EDRF1: variants seen among roughly 807,000 people sequenced by gnomAD.
The protein encoded by EDRF1 is erythroid differentiation regulatory factor 1, also known as erythroid differentiation-related factor 1.
A neutral mutation model predicts 148.7 loss-of-function variants in EDRF1; 69 were observed. The observed-to-expected ratio is 0.46, with a 90% CI of 0.38 to 0.57. The LOEUF (loss-of-function observed/expected upper bound fraction) is 0.57, where lower values mean the gene tolerates loss of function less well. Ranked by LOEUF, EDRF1 falls within the 20% of genes least tolerant of loss-of-function variation. The pLI is 0.00. For synonymous variants in EDRF1, 515 were observed against 532.8 expected, an observed-to-expected ratio of 0.97 and a Z score of 0.46; for missense variants, 1,118 against 1,478.7, an observed-to-expected ratio of 0.76 and a Z score of 4.00.
chr10:125,737,921 A>T lies in EDRF1; in HGVS notation c.1762A>T (p.Ser588Cys). The change falls in exon 14 of 25, where the codon AGT becomes TGT. Residue 588 changes from serine (S) to cysteine (C), a missense_variant. Physicochemically the swap from Ser to Cys is moderately radical, Grantham distance 112 (BLOSUM62 -1). Around this residue, in one of 3 missense-constraint regions of EDRF1, gnomAD observed 954 missense variants for 1,241.4 expected, o/e 0.77. Transcript: ENST00000356792. The stretch of plus-strand genomic sequence containing the variant: ...AATTTTATGTTTGTTCCTCAAGCCC[A>T]GTTGTGCATTTCCAGTTTGCCATGA... ...KYKSIHQIRP[S>C]CAFPVCHDTE... 2 of 1,613,842 alleles carry T rather than the reference A, an allele frequency of 1.2e-6. No individual in the cohort carries two copies. The highest frequency in any genetic ancestry group is 1.7e-6 in the Non-Finnish European group (2 of 1,179,802).
chr10:125,741,223 C>T (rs750837376), intron 17 of EDRF1, 22 bp downstream of exon 17: 8 of 1,610,414 alleles, frequency 5.0e-6, no homozygotes, highest in South Asian at 2.2e-5. Context: ...GCTTGGACCA[C>T]GTGGTTCACA....
chr10:125,723,843 C>T lies in EDRF1; in HGVS notation c.417C>T (p.Ser139=). 1 of 1,613,548 alleles carries T rather than the reference C, an allele frequency of 6.2e-7. No homozygotes were observed. The highest frequency in any genetic ancestry group is 1.1e-5 in the South Asian group (1 of 91,036). The change falls in exon 4 of 25, where the codon AGC becomes AGT. Residue 139 remains serine, a synonymous_variant. Coordinates refer to ENST00000356792, the MANE Select transcript of EDRF1 (RefSeq NM_001202438.2). ...NIKKLLKIPY[S]KSHVSMAVHR... ...AAAAACTCCTGAAAATTCCCTACAG[C>T]AAGTCGCACGTGAGCATGGCAGTAC... is the stretch of plus-strand genomic sequence containing the variant.
chr10:125,745,994 C>T, intron 19 of EDRF1, 64 bp downstream of exon 19: 1 of 1,497,280 alleles, frequency 6.7e-7, no homozygotes, highest in South Asian at 1.1e-5. Flanking sequence ...TACATTTTGC[C>T]AGTTTCACTA....
intron 22 of EDRF1, chr10:125,752,171 C>T (rs1440148556): frequency 6.6e-6 from 1 of 152,622 alleles, no homozygotes; most frequent in Non-Finnish European, 1.5e-5. Context: ...TAAACAAAGG[C>T]GTTCTTACCG....
chr10:125,749,363 T>C (rs780974637), intron 21 of EDRF1, 49 bp from the exon 22 acceptor site: 2 of 1,612,062 alleles, frequency 1.2e-6, no homozygotes, highest in Non-Finnish European at 1.7e-6. Flanking sequence ...TAGTGAAGCC[T>C]GAAGTAGTTA....
intron 24 of EDRF1, among the ~76,000 whole-genome samples, chr10:125,761,657 T>G (rs1295517304): frequency 6.6e-6 from 1 of 152,246 alleles, no homozygotes; most frequent in Admixed American, 6.5e-5. Flanking sequence ...TCAGTGAAAC[T>G]GCTGATAAGA....
chr10:125,758,968 A>T (rs1398563119), intron 24 of EDRF1, among the ~76,000 whole-genome samples: 1 of 151,958 alleles, frequency 6.6e-6, no homozygotes, highest in Non-Finnish European at 1.5e-5. Context: ...CAACGCCCTA[A>T]GGTTGGCAGG....
intron 19 of EDRF1, among the ~76,000 whole-genome samples, chr10:125,746,307 G>A (rs1372691942): frequency 1.3e-5 from 2 of 152,154 alleles, no homozygotes; most frequent in African/African-American, 4.8e-5. Flanking sequence ...GAAATCCTGG[G>A]TAAAAGTTGA....
In EDRF1 at chr10:125,734,212, A is replaced by G. The variant is rs1266722755; in HGVS notation, c.1497+29A>G. 5 of 1,509,404 alleles carry G rather than the reference A, an allele frequency of 3.3e-6. No homozygotes were observed. The Admixed American group carries it at 8.4e-5, about 25-fold the overall frequency. The allele number at this position is 1,509,404 out of a possible 1,614,324, so 93.5% of individuals were successfully genotyped here. The stretch of plus-strand genomic sequence containing the variant: ...AGATTAACATTTATGTATTCTCTAA[A>G]ACAATCCTAGCATTCTAATAGGAGA... On this transcript the variant is annotated intron_variant, in intron 12 of 24. Coordinates refer to ENST00000356792, the MANE Select transcript of EDRF1 (RefSeq NM_001202438.2).
At chr10:125,738,703 G>C (rs1016666247) in intron 15 of EDRF1, among the ~76,000 whole-genome samples, 2 of 152,202 alleles carry the variant, frequency 1.3e-5, no homozygotes, top group African/African-American at 4.8e-5. Context: ...GCTTCAGCCT[G>C]GTGGAGTTCT....
chr10:125,763,800 A>C lies in EDRF1; in HGVS notation c.*328A>C. 1 of 352,752 alleles carries C rather than the reference A, an allele frequency of 2.8e-6. No homozygotes were observed. The highest frequency in any genetic ancestry group is 5.3e-6 in the Non-Finnish European group (1 of 187,994). 21.9% of individuals were successfully genotyped at this position (352,752 alleles called of 1,614,324 possible). On this transcript the variant is annotated 3_prime_UTR_variant, in exon 25 of 25. Transcript: ENST00000356792. This position sits in a 1 kb window ranked among gnomAD's most constrained non-coding sequence, Gnocchi z 4.3. ...GTATGTCAAGCTACACGGGTCTAAG[A>C]TATGATTATTTTGGATAAAATGTTA... is the stretch of plus-strand genomic sequence containing the variant.
intron 17 of EDRF1, chr10:125,742,453 G>A: frequency 9.4e-7 from 1 of 1,067,534 alleles, no homozygotes; most frequent in Non-Finnish European, 1.1e-6. Flanking sequence ...ATAGCTAGAG[G>A]AGTATACTGG....
Position 125,720,025 on chromosome 10 carries a change from C to T in EDRF1, c.108+110C>T. 4.4e-6 allele frequency: 4 copies of T among 912,058 alleles called. No homozygotes were observed. In the South Asian group the frequency reaches 6.5e-5, roughly 15 times the overall value. The allele number at this position is 912,058 out of a possible 1,614,324, so 56.5% of individuals were successfully genotyped here. A position where few individuals can be genotyped will look rare whatever the true frequency, so the allele number is the denominator to read the frequency against. ...AGATTCTGGAGGCTTCTCCATGTTT[C>T]CCTGACACCCCCAAAACAGGGAGTT... is the stretch of plus-strand genomic sequence containing the variant. On this transcript the variant is annotated intron_variant, in intron 1 of 24. Coordinates refer to ENST00000356792, the MANE Select transcript of EDRF1 (RefSeq NM_001202438.2).
chr10:125,721,297 G>A lies in EDRF1; in HGVS notation c.202G>A (p.Glu68Lys), dbSNP rs770650812. ...APPRTAFARL[E>K]EKTDLKLPPA... ...TCCTCGAACAGCATTTGCACGCCTT[G>A]AAGAGAAAACAGACTTGAAACTCCC... The change falls in exon 2 of 25, where the codon GAA (glutamate) becomes AAA (lysine). Residue 68 changes from glutamate to lysine, a missense_variant. By Grantham distance (56) the Glu-to-Lys change is moderately conservative. Around this residue, in one of 3 missense-constraint regions of EDRF1, gnomAD observed 99 missense variants for 186.9 expected, o/e 0.53. Coordinates refer to ENST00000356792, the MANE Select transcript of EDRF1 (RefSeq NM_001202438.2). The A allele has an allele frequency of 2.5e-6, 4 of 1,614,174 alleles. No individual in the cohort carries two copies. The highest frequency in any genetic ancestry group is 3.4e-6 in the Non-Finnish European group (4 of 1,180,038).
intron 17 of EDRF1, chr10:125,741,620 A>G (rs769925209): frequency 2.0e-4 from 44 of 219,840 alleles, no homozygotes; most frequent in Non-Finnish European, 3.4e-4. Flanking sequence ...AGTATTTTAT[A>G]ATTACTGTTT....
intron 19 of EDRF1, among the ~76,000 whole-genome samples, chr10:125,746,213 A>G (rs2133738419): frequency 6.6e-6 from 1 of 152,356 alleles, no homozygotes; most frequent in South Asian, 2.1e-4. Context: ...AGAAAGTGAA[A>G]CTGTAAAAGT....
intron 24 of EDRF1, among the ~76,000 whole-genome samples, chr10:125,762,526 C>T (rs928205996): frequency 2.6e-5 from 4 of 151,774 alleles, no homozygotes; most frequent in Admixed American, 1.3e-4. Context: ...TGAACTGCCA[C>T]GTAATTACTA....
In EDRF1 at chr10:125,719,934, GGGACCTGCCAGGGATGTGGGAGCGGA is replaced by G; in HGVS notation, c.108+25_108+50del. ...TGCACAGGTGAGTCCTCCGCGGAGG[GGGACCTGCCAGGGATGTGGGAGCGGA>G]GGACCCGCTCCACCGGGGAGGGATG... On this transcript the variant is annotated intron_variant, in intron 1 of 24. Transcript: ENST00000356792. 3 of 1,604,006 alleles carry G rather than the reference GGGACCTGCCAGGGATGTGGGAGCGGA, an allele frequency of 1.9e-6. No homozygotes were observed. The highest frequency in any genetic ancestry group is 2.6e-6 in the Non-Finnish European group (3 of 1,172,646).
chr10:125,747,394 A>T lies in EDRF1; in HGVS notation c.2815-142A>T. On this transcript the variant is annotated intron_variant, in intron 19 of 24. Transcript: ENST00000356792. The stretch of plus-strand genomic sequence containing the variant: ...ATATTTTCATTGACTTACTTTTTTC[A>T]TTTCCTCATAATATTGTCTCTTTAT... 4 of 960,528 alleles carry T rather than the reference A, an allele frequency of 4.2e-6. No homozygotes were observed. The Admixed American group carries it at 6.5e-5, about 16-fold the overall frequency. 59.5% of individuals were successfully genotyped at this position (960,528 alleles called of 1,614,324 possible). A position where few individuals can be genotyped will look rare whatever the true frequency, so the allele number is the denominator to read the frequency against.
Sources: gnomAD v4.1 joint callset for allele counts (sites outside exome capture counted in the v4.1 genomes callset) on GRCh38, gnomAD v4.1.1 for gene constraint, gnomAD v4.1.1 regional missense constraint, Gnocchi (gnomAD v3.1) non-coding constraint, MANE v1.5 for transcripts, NCBI Gene and HGNC (gene_info 2026-07-23, HGNC 2026-07-21) for gene names.